The following CABIN1 variants were observed in gnomAD, a reference collection of about 807,000 sequenced individuals.
CABIN1 encodes calcineurin-binding protein cabin-1.
CABIN1 carries 133 observed loss-of-function variants against 227.7 expected under a neutral mutation model. That is an observed-to-expected ratio of 0.58 (90% CI 0.51 to 0.67). CABIN1 has a LOEUF of 0.67. CABIN1 is among the 30% of genes least tolerant of loss of function. The probability of loss-of-function intolerance (pLI) is 0.00; values close to 1 mark genes in which losing one functional copy is unlikely to be tolerated. For synonymous variants in CABIN1, 1,086 were observed against 1,155.1 expected (o/e 0.94, Z 1.21); for missense variants, 2,408 against 2,852.5 (o/e 0.84, Z 3.55).
chr22:24,097,956 A>G, intron 25 of CABIN1, 58 bp from the exon 26 acceptor site: 3 of 1,606,642 alleles, frequency 1.9e-6, no homozygotes, highest in Non-Finnish European at 1.7e-6. Flanking sequence ...ACCAGTACAC[A>G]TCTGTTTCAA....
At chr22:24,115,617 A>G (rs553736632) in intron 27 of CABIN1, among the ~76,000 whole-genome samples, 2 of 152,288 alleles carry the variant, frequency 1.3e-5, no homozygotes, top group African/African-American at 4.8e-5. Flanking sequence ...CAGAGCACTC[A>G]TCCAGGCCTA....
At chr22:24,083,496 G>A in intron 20 of CABIN1, 107 bp downstream of exon 20, 1 of 1,250,910 alleles carries the variant, frequency 8.0e-7, no homozygotes. Context: ...GCTTGGAGTT[G>A]CATCAGAAGG....
Position 24,177,106 on chromosome 22 carries a change from C to T in CABIN1, c.6206-398C>T, listed in dbSNP as rs773224766. ...AGCTCAGTGACCATGCCTGGCTGAG[C>T]GACCAGCTCTGGGCTTCAGTGTCCT... On this transcript the variant is annotated intron_variant, in intron 35 of 36. Transcript: ENST00000263119. This position sits in a 1 kb window ranked among gnomAD's most constrained non-coding sequence, Gnocchi z 4.4. 2.0e-4 allele frequency among the ~76,000 whole-genome samples: 30 copies of T among 152,196 alleles called. No individual in the cohort carries two copies. The highest frequency in any genetic ancestry group is 4.3e-4 in the African/African-American group (18 of 41,452).
At chr22:24,103,050 G>T (rs2042304026) in intron 26 of CABIN1, 1 of 152,170 alleles carries the variant, frequency 6.6e-6, no homozygotes, top group African/African-American at 2.4e-5. Flanking sequence ...TTGTCTTTCT[G>T]CTTGCACCTG....
At chr22:24,101,676 C>G (rs2147483100) in intron 26 of CABIN1, 1 of 152,418 alleles carries the variant, frequency 6.6e-6, no homozygotes, top group East Asian at 1.9e-4. Flanking sequence ...CCGTCAATCT[C>G]TTGGAATTTG....
chr22:24,149,154 A>G (rs1266458891), intron 29 of CABIN1, among the ~76,000 whole-genome samples: 1 of 151,938 alleles, frequency 6.6e-6, no homozygotes, highest in Non-Finnish European at 1.5e-5. Flanking sequence ...CAGACCAAGG[A>G]CTCCCTCACA....
At chr22:24,101,508 A>G (rs1457834506) in intron 26 of CABIN1, among the ~76,000 whole-genome samples, 1 of 152,226 alleles carries the variant, frequency 6.6e-6, no homozygotes, top group Non-Finnish European at 1.5e-5. Context: ...TGTCAAAGCC[A>G]GCCCTTCACG....
intron 2 of CABIN1, 96 bp from the exon 3 acceptor site, chr22:24,035,993 A>G (rs1350545837): frequency 3.5e-6 from 3 of 850,018 alleles, no homozygotes; most frequent in Non-Finnish European, 4.1e-6. Flanking sequence ...AGAATAGATC[A>G]TATGCTGGAG....
chr22:24,114,786 T>G (rs2042995008), intron 27 of CABIN1, among the ~76,000 whole-genome samples: 1 of 152,196 alleles, frequency 6.6e-6, no homozygotes, highest in African/African-American at 2.4e-5. Context: ...CTCTCCTAGC[T>G]CTCTGCTCCC....
intron 28 of CABIN1, among the ~76,000 whole-genome samples, chr22:24,131,693 CCTT>C (rs1270623721): frequency 1.3e-5 from 2 of 152,176 alleles, no homozygotes; most frequent in East Asian, 3.9e-4. Flanking sequence ...GCCTCCCTGA[CCTT>C]CTCAGACTGG....
intron 30 of CABIN1, 54 bp from the exon 31 acceptor site, chr22:24,165,476 C>A: frequency 6.8e-7 from 1 of 1,460,038 alleles, no homozygotes; most frequent in Non-Finnish European, 9.5e-7. Context: ...CCAGCAGTGC[C>A]ATGTGGTGTC....
intron 33 of CABIN1, among the ~76,000 whole-genome samples, chr22:24,171,127 G>A (rs1363954156): frequency 3.9e-5 from 6 of 152,186 alleles, no homozygotes; most frequent in Admixed American, 3.9e-4. Flanking sequence ...CCTGGAAATC[G>A]AAGGCCCATG....
Position 24,064,042 on chromosome 22 carries a change from T to A in CABIN1, c.1892T>A (p.Met631Lys). The change falls in exon 15 of 37, where the codon ATG becomes AAG. Residue 631 changes from methionine to lysine, a missense_variant. Transcript: ENST00000263119. The stretch of plus-strand genomic sequence containing the variant: ...TGTTTTCCGTCTAACCAGGGAGACA[T>A]GGAGCAGGCCCTGGAGAACTATGAC... ...KARFLALQGD[M>K]EQALENYDIC... The A allele has an allele frequency of 6.2e-7, 1 of 1,614,178 alleles. No homozygotes were observed. The highest frequency in any genetic ancestry group is 8.5e-7 in the Non-Finnish European group (1 of 1,180,038).
chr22:24,067,478 C>A (rs547518376), intron 16 of CABIN1, among the ~76,000 whole-genome samples: 21 of 152,296 alleles, frequency 1.4e-4, no homozygotes, highest in Non-Finnish European at 2.6e-4. Context: ...CATCATCTGT[C>A]CATCCACTTG....
chr22:24,095,711 C>T (rs1187510018), intron 24 of CABIN1, among the ~76,000 whole-genome samples: 3 of 152,202 alleles, frequency 2.0e-5, no homozygotes, highest in Admixed American at 6.5e-5. Context: ...TGAGTTACTG[C>T]GTGAACGTTT....
In CABIN1 at chr22:24,054,891, G is replaced by T. The variant is rs1293333237; in HGVS notation, c.825G>T (p.Glu275Asp). 6.2e-7 allele frequency: 1 copy of T among 1,614,178 alleles called. No individual in the cohort carries two copies. The highest frequency in any genetic ancestry group is 8.5e-7 in the Non-Finnish European group (1 of 1,180,026). ...IPFFTWKCLG[E>D]SLLAMYNHLT... ...CCTTTAGCTGGAAGTGCCTCGGAGA[G>T]AGCTTGCTGGCCATGTACAATCATC... The change falls in exon 9 of 37, where the codon GAG (glutamate) becomes GAT (aspartate). Residue 275 changes from glutamate to aspartate, a missense_variant. Physicochemically the swap from Glu to Asp is conservative, Grantham distance 45. This residue lies in a region of CABIN1 where 1,045 missense variants were observed against 1,168.4 expected (regional missense o/e 0.89). Coordinates refer to ENST00000263119, the MANE Select transcript of CABIN1 (RefSeq NM_012295.4).
intron 28 of CABIN1, among the ~76,000 whole-genome samples, chr22:24,125,343 G>A (rs1424355229): frequency 1.3e-5 from 2 of 152,190 alleles, no homozygotes; most frequent in Non-Finnish European, 2.9e-5. Flanking sequence ...AGGTCAGCTG[G>A]GTGTGAACCC....
Position 24,076,187 on chromosome 22 carries a change from T to A in CABIN1, c.2651T>A (p.Met884Lys). 1 of 1,614,144 alleles carries A rather than the reference T, an allele frequency of 6.2e-7. No homozygotes were observed. The highest frequency in any genetic ancestry group is 8.5e-7 in the Non-Finnish European group (1 of 1,180,006). ...PAEEGMSETP[M>K]LPSSLMLLNT... ...TCCCTAGGGATGTCAGAGACGCCCATGCTCCCATCCTCCCTCATGCTGCTG... is the reference window on the plus strand; with the variant it reads ...TCCCTAGGGATGTCAGAGACGCCCAAGCTCCCATCCTCCCTCATGCTGCTG... Residue 884 changes from methionine (M) to lysine (K), a missense_variant, in exon 19 of 37, where the codon ATG (methionine) becomes AAG (lysine). By Grantham distance (95) the Met-to-Lys change is moderately conservative. Transcript: ENST00000263119.
Position 24,073,250 on chromosome 22 carries a change from T to G in CABIN1, c.2632+740T>G, listed in dbSNP as rs569428202. ...GTAATCTTATCAGATAGATCTTTTT[T>G]TTTTTCCATTTTTTGTTTTCTTGCA... On this transcript the variant is annotated intron_variant, in intron 18 of 36. Transcript: ENST00000263119. 1.7e-4 allele frequency among the ~76,000 whole-genome samples: 26 copies of G among 152,348 alleles called. No individual in the cohort carries two copies. The Middle Eastern group carries it at 0.014, about 80-fold the overall frequency.
Sources: gnomAD v4.1 joint callset for allele counts (sites outside exome capture counted in the v4.1 genomes callset) on GRCh38, gnomAD v4.1.1 for gene constraint, gnomAD v4.1.1 regional missense constraint, Gnocchi (gnomAD v3.1) non-coding constraint, MANE v1.5 for transcripts, NCBI Gene and HGNC (gene_info 2026-07-23, HGNC 2026-07-21) for gene names.